Variants in POLR3E observed in about 807,000 individuals in gnomAD.
The protein encoded by POLR3E is DNA-directed RNA polymerase III subunit RPC5.
In POLR3E, 41 loss-of-function variants were observed where a neutral mutation model predicts 96.6. That is an observed-to-expected ratio of 0.42 (90% CI 0.33 to 0.55). The LOEUF (loss-of-function observed/expected upper bound fraction) is 0.55, where lower values mean the gene tolerates loss of function less well. Ranked by LOEUF, POLR3E falls within the 20% of genes least tolerant of loss-of-function variation. The probability of loss-of-function intolerance (pLI) is 0.06; values close to 1 mark genes in which losing one functional copy is unlikely to be tolerated. For missense variants in POLR3E, 849 were observed against 952.1 expected (o/e 0.89, Z 1.43); for synonymous variants, 396 against 383.6 (o/e 1.03, Z -0.38).
intron 3 of POLR3E, among the ~76,000 whole-genome samples, chr16:22,307,068 C>T (rs1249351165): frequency 2.0e-5 from 3 of 152,188 alleles, no homozygotes; most frequent in Non-Finnish European, 4.4e-5. Context: ...CCCCGTGTGT[C>T]CAGAGTTCCA....
chr16:22,329,067 C>A, intron 19 of POLR3E: 2 of 160,772 alleles, frequency 1.2e-5, no homozygotes, highest in Non-Finnish European at 2.7e-5. Context: ...GACTGGGCGA[C>A]AGAGCAAGAC....
At chr16:22,297,848 G>T (rs1182039444) in intron 1 of POLR3E, among the ~76,000 whole-genome samples, 2 of 152,242 alleles carry the variant, frequency 1.3e-5, no homozygotes, top group African/African-American at 4.8e-5. Flanking sequence ...ACCTGTCCGC[G>T]CGTCGGGTGT....
chr16:22,317,084 G>C (rs1356373165), intron 11 of POLR3E, 31 bp from the exon 12 acceptor site: 4 of 1,613,678 alleles, frequency 2.5e-6, no homozygotes, highest in Non-Finnish European at 3.4e-6. Flanking sequence ...CGGGCTGGCT[G>C]CCTCTAACCC....
chr16:22,323,140 G>A (rs1223661508), intron 14 of POLR3E, among the ~76,000 whole-genome samples: 4 of 152,076 alleles, frequency 2.6e-5, no homozygotes, highest in Non-Finnish European at 4.4e-5. Flanking sequence ...GCGCAGTCGG[G>A]GGGTGGGTCA....
intron 1 of POLR3E, among the ~76,000 whole-genome samples, chr16:22,300,751 T>C (rs1380541910): frequency 2.0e-5 from 3 of 152,252 alleles, no homozygotes; most frequent in Non-Finnish European, 2.9e-5. Flanking sequence ...ACGATAGCTG[T>C]TTCCCTGAAG....
intron 14 of POLR3E, among the ~76,000 whole-genome samples, chr16:22,323,473 C>T (rs1348674704): frequency 6.6e-6 from 1 of 152,112 alleles, no homozygotes; most frequent in African/African-American, 2.4e-5. Flanking sequence ...AGCTGGGAGC[C>T]ACAGTCTTCC....
Position 22,318,892 on chromosome 16 carries a change from T to G in POLR3E, c.932T>G (p.Leu311Arg). Reference sequence around the variant, plus strand: ...CCCTCCATCGATTCCGTGGCTGTTCTGCGGGGCATCCAGAAGGTGGCGATG... The same window carrying G: ...CCCTCCATCGATTCCGTGGCTGTTCGGCGGGGCATCCAGAAGGTGGCGATG... The part of the protein sequence containing the change: ...LGPSIDSVAV[L>R]RGIQKVAMLV... Residue 311 changes from leucine to arginine, a missense_variant, in exon 13 of 21, where the codon CTG becomes CGG. Coordinates refer to ENST00000299853, the MANE Select transcript of POLR3E (RefSeq NM_018119.4). The surrounding 1 kb of genome is among the most constrained non-coding windows in gnomAD (Gnocchi z 5.0). 6.2e-7 allele frequency: 1 copy of G among 1,613,942 alleles called. No homozygotes were observed. Among genetic ancestry groups the G allele is most frequent in the Non-Finnish European group, 8.5e-7 (1 of 1,179,878 alleles).
In POLR3E at chr16:22,317,019, AC is replaced by A; in HGVS notation, c.756del (p.Ser253AlafsTer33). The A allele has an allele frequency of 6.2e-7, 1 of 1,614,062 alleles. No individual in the cohort carries two copies. Among genetic ancestry groups the A allele is most frequent in the Non-Finnish European group, 8.5e-7 (1 of 1,179,986 alleles). On this transcript the variant is annotated frameshift_variant, in exon 11 of 21. Coordinates refer to ENST00000299853, the MANE Select transcript of POLR3E (RefSeq NM_018119.4). LOFTEE classifies it high-confidence loss of function. Reference sequence around the variant, plus strand: ...GTGAGTACCTGATGATGCTGATGCCACCCAGCCAGGAGGAGGAGAAGTGAGT... The same window carrying A: ...GTGAGTACCTGATGATGCTGATGCCACCAGCCAGGAGGAGGAGAAGTGAGT... ...PSEYLMMLMPPSQEEEKDKPV... is the reference protein window; with the variant it reads ...PSEYLMMLMPXSQEEEKDKPV...
intron 13 of POLR3E, among the ~76,000 whole-genome samples, chr16:22,320,242 C>A (rs372951368): frequency 1.3e-5 from 2 of 152,052 alleles, no homozygotes; most frequent in East Asian, 1.9e-4. Flanking sequence ...TATGTACTGC[C>A]GAAGAGAGCA....
Position 22,333,631 on chromosome 16 carries a change from TTC to T in POLR3E, c.2071-6_2071-5del, listed in dbSNP as rs752154374. On this transcript the variant is annotated splice_polypyrimidine_tract_variant and intron_variant, in intron 20 of 20. Transcript: ENST00000299853. ...CTGCAAAAATCTGTGCTTACCCTGT[TTC>T]TCTCTCATAGGACTGCTGTGTAAGC... The T allele has an allele frequency of 1.4e-5, 22 of 1,601,444 alleles. No individual in the cohort carries two copies. The East Asian group carries it at 2.5e-4, about 18-fold the overall frequency.
intron 2 of POLR3E, among the ~76,000 whole-genome samples, 188 bp from the exon 3 acceptor site, chr16:22,304,968 G>A (rs2048104694): frequency 6.6e-6 from 1 of 152,110 alleles, no homozygotes; most frequent in African/African-American, 2.4e-5. Flanking sequence ...TTTCAGGAGG[G>A]ATTCCTGAAT....
Position 22,326,247 on chromosome 16 carries a change from T to C in POLR3E, c.1835T>C (p.Leu612Pro). The C allele has an allele frequency of 6.3e-7, 1 of 1,587,952 alleles. No individual in the cohort carries two copies. Among genetic ancestry groups the C allele is most frequent in the Non-Finnish European group, 8.6e-7 (1 of 1,166,562 alleles). Residue 612 changes from leucine (L) to proline (P), a missense_variant, in exon 18 of 21, where the codon CTG (leucine) becomes CCG (proline). Leu to Pro is a moderately conservative substitution (Grantham distance 98, BLOSUM62 -3). Coordinates refer to ENST00000299853, the MANE Select transcript of POLR3E (RefSeq NM_018119.4). ...ISDRMLQDTVLAAGCKQILVP... is the reference protein window; with the variant it reads ...ISDRMLQDTVPAAGCKQILVP... ...GACCGCATGCTACAGGACACGGTGC[T>C]GGCCGCCGGTTGCAAGCAGATACTG...
intron 6 of POLR3E, chr16:22,310,332 G>T (rs1280303046): frequency 1.3e-5 from 2 of 154,076 alleles, no homozygotes; most frequent in Non-Finnish European, 2.9e-5. Context: ...TGTTGCCTAG[G>T]CTGGAGTGCA....
rs1172467561 is a variant in POLR3E at position 22,324,491 on chromosome 16, C to T, written c.1129-12C>T. ...GCTGGCTGTGCCTCACGCTGGGCCC[C>T]CTCCCCTCCAGCTCTGCGCCGAGGA... is the stretch of plus-strand genomic sequence containing the variant. On this transcript the variant is annotated splice_polypyrimidine_tract_variant and intron_variant, in intron 15 of 20. Coordinates refer to ENST00000299853, the MANE Select transcript of POLR3E (RefSeq NM_018119.4). 1 of 1,610,880 alleles carries T rather than the reference C, an allele frequency of 6.2e-7. No individual in the cohort carries two copies. Among genetic ancestry groups the T allele is most frequent in the Non-Finnish European group, 8.5e-7 (1 of 1,178,508 alleles).
Position 22,308,916 on chromosome 16 carries a change from T to C in POLR3E, c.166-9T>C. 6.3e-7 allele frequency: 1 copy of C among 1,599,200 alleles called. No individual in the cohort carries two copies. The highest frequency in any genetic ancestry group is 1.1e-5 in the South Asian group (1 of 90,690). On this transcript the variant is annotated splice_polypyrimidine_tract_variant and intron_variant, in intron 4 of 20. Coordinates refer to ENST00000299853, the MANE Select transcript of POLR3E (RefSeq NM_018119.4). ...CCTCATAGCTGGTGGGGGTGCTTGG[T>C]GCCTCCAGGTAGAGCTTGAGATGGC...
chr16:22,316,754 A>C (rs1218573891), intron 10 of POLR3E, 68 bp downstream of exon 10: 9 of 1,293,550 alleles, frequency 7.0e-6, no homozygotes, highest in Non-Finnish European at 1.0e-5. Context: ...CTTGGTGTGG[A>C]TCCTCCCAGA....
At chr16:22,300,625 C>T (rs1457786945) in intron 1 of POLR3E, among the ~76,000 whole-genome samples, 3 of 152,170 alleles carry the variant, frequency 2.0e-5, no homozygotes, top group Non-Finnish European at 2.9e-5. Flanking sequence ...TGGGGTGAGG[C>T]CTTGGGCTCT....
intron 6 of POLR3E, chr16:22,310,462 T>A (rs1166091908): frequency 6.6e-6 from 1 of 152,012 alleles, no homozygotes; most frequent in East Asian, 1.9e-4. Context: ...AATTTTTGTA[T>A]CTTTAGTAGA....
chr16:22,317,884 G>A (rs1319667267), intron 12 of POLR3E, among the ~76,000 whole-genome samples: 1 of 151,910 alleles, frequency 6.6e-6, no homozygotes, highest in East Asian at 1.9e-4. Context: ...GCACCATAAG[G>A]ACTGGTCTCC....
Sources: gnomAD v4.1 joint callset for allele counts (sites outside exome capture counted in the v4.1 genomes callset) on GRCh38, gnomAD v4.1.1 for gene constraint, Gnocchi (gnomAD v3.1) non-coding constraint, MANE v1.5 for transcripts, NCBI Gene and HGNC (gene_info 2026-07-23, HGNC 2026-07-21) for gene names.